The following CRBN variants were observed in gnomAD, a reference collection of about 807,000 sequenced individuals.
CRBN encodes protein cereblon.
In CRBN, 53 loss-of-function variants were observed where a neutral mutation model predicts 62.2. That is an observed-to-expected ratio of 0.85 (90% CI 0.68 to 1.07). The LOEUF is 1.07. Ranked by LOEUF, CRBN falls within the 50% of genes least tolerant of loss-of-function variation. CRBN has a pLI of 0.00. For missense variants in CRBN, 616 were observed against 531.1 expected (o/e 1.16, Z -1.57); for synonymous variants, 208 against 176.1 (o/e 1.18, Z -1.43).
At chr3:3,154,192 T>C (rs1296290970) in intron 7 of CRBN, 117 bp from the exon 8 acceptor site, 1 of 710,942 alleles carries the variant, frequency 1.4e-6, no homozygotes, top group Non-Finnish European at 2.6e-6. Context: ...ACACATTTTA[T>C]ACAAGTATAA....
chr3:3,169,233 A>G (rs144002898), intron 4 of CRBN, among the ~76,000 whole-genome samples: 2,152 of 152,292 alleles, frequency 0.014, 18 homozygotes, highest in Non-Finnish European at 0.022. Flanking sequence ...CTGGTTAAAC[A>G]TGGCCAGGGT....
rs1340190859 is a variant in CRBN, at chr3:3,178,278, T to C, written c.67+1343A>G. Reference sequence around the variant, plus strand: ...CTAGAATGGCTTCGAGAACAACCAGTGACTATGGTTTATTTTTACAGAAAA... The same window carrying C: ...CTAGAATGGCTTCGAGAACAACCAGCGACTATGGTTTATTTTTACAGAAAA... On this transcript the variant is annotated intron_variant, in intron 1 of 10. Transcript: ENST00000231948. 9.8e-5 allele frequency among the ~76,000 whole-genome samples: 15 copies of C among 152,314 alleles called. No homozygotes were observed. The East Asian group carries it at 2.9e-3, about 29-fold the overall frequency.
Position 3,154,035 on chromosome 3 carries a change from A to C in CRBN, c.876T>G (p.Asp292Glu). Residue 292 changes from aspartate to glutamate, a missense_variant, in exon 8 of 11, where the codon GAT becomes GAG. By Grantham distance (45) the Asp-to-Glu change is conservative (BLOSUM62 2). Coordinates refer to ENST00000231948, the MANE Select transcript of CRBN (RefSeq NM_016302.4). ...TTTTAAGGAGCTGAATTCTCAATACATCATCAATAGGAAGACAAGCAGCTA... is the reference window on the plus strand; with the variant it reads ...TTTTAAGGAGCTGAATTCTCAATACCTCATCAATAGGAAGACAAGCAGCTA... Reference protein sequence around the residue: ...YRVAACLPIDDVLRIQLLKIG... With the variant: ...YRVAACLPIDEVLRIQLLKIG... 1 of 1,613,640 alleles carries C rather than the reference A, an allele frequency of 6.2e-7. No individual in the cohort carries two copies. Among genetic ancestry groups the C allele is most frequent in the Non-Finnish European group, 8.5e-7 (1 of 1,179,564 alleles).
chr3:3,168,241 G>C (rs1468484707), intron 4 of CRBN, among the ~76,000 whole-genome samples: 1 of 152,138 alleles, frequency 6.6e-6, no homozygotes, highest in Non-Finnish European at 1.5e-5. Flanking sequence ...TCTAAGTAGA[G>C]AAAGGAAGAG....
At chr3:3,164,831 T>C (rs1707266245) in intron 5 of CRBN, among the ~76,000 whole-genome samples, 1 of 152,220 alleles carries the variant, frequency 6.6e-6, no homozygotes, top group South Asian at 2.1e-4. Flanking sequence ...TTTCAAATCT[T>C]ATTATTTAAG....
rs1706415882 is a variant in CRBN, at chr3:3,150,249, TAAAG to T, written c.*612_*615del. ...ATACTACTTTTTACTAACAGGCACA[TAAAG>T]GAAATGACAACTATTCGTGGGCTCA... On this transcript the variant is annotated 3_prime_UTR_variant, in exon 11 of 11. Coordinates refer to ENST00000231948, the MANE Select transcript of CRBN (RefSeq NM_016302.4). 6.6e-6 allele frequency: 1 copy of T among 152,556 alleles called. No individual in the cohort carries two copies. The highest frequency in any genetic ancestry group is 2.4e-5 in the African/African-American group (1 of 41,416). 9.5% of individuals were successfully genotyped at this position (152,556 alleles called of 1,614,324 possible).
At chr3:3,152,009 A>G (rs929339544) in intron 10 of CRBN, among the ~76,000 whole-genome samples, 1 of 152,208 alleles carries the variant, frequency 6.6e-6, no homozygotes, top group African/African-American at 2.4e-5. Flanking sequence ...ACAGAAAAAA[A>G]CAATTTTGGA....
intron 1 of CRBN, among the ~76,000 whole-genome samples, chr3:3,178,368 G>C (rs1707919390): frequency 6.6e-6 from 1 of 152,134 alleles, no homozygotes; most frequent in African/African-American, 2.4e-5. Flanking sequence ...TGCTACCAGT[G>C]GACAAATTAA....
At chr3:3,161,854 A>G (rs780322516) in intron 5 of CRBN, among the ~76,000 whole-genome samples, 1 of 152,256 alleles carries the variant, frequency 6.6e-6, no homozygotes, top group Non-Finnish European at 1.5e-5. Context: ...CAGTGTATCC[A>G]TACAAAAGAA....
At chr3:3,153,865 G>A (rs1706750305) in intron 8 of CRBN, 95 bp downstream of exon 8, 2 of 771,162 alleles carry the variant, frequency 2.6e-6, no homozygotes, top group Non-Finnish European at 4.7e-6. Flanking sequence ...CTACATTACT[G>A]GACTCTATAC....
intron 7 of CRBN, 147 bp from the exon 8 acceptor site, chr3:3,154,222 G>A: frequency 6.3e-6 from 4 of 630,944 alleles, no homozygotes; most frequent in East Asian, 2.8e-5. Flanking sequence ...AAATATACCA[G>A]CTGTCAAAGA....
chr3:3,154,217 T>C (rs1484254102), intron 7 of CRBN, 142 bp from the exon 8 acceptor site: 2 of 638,728 alleles, frequency 3.1e-6, no homozygotes, highest in African/African-American at 1.8e-5. Flanking sequence ...TACAAAAATA[T>C]ACCAGCTGTC....
rs1218236414 is a variant in CRBN at position 3,152,569 on chromosome 3, C to T, written c.1035G>A (p.Pro345=). The part of the protein sequence containing the change: ...NEIFSLSLCG[P]MAAYVNPHGY... ...CATGAGGATTCACATAAGCTGCCAT[C>T]GGCCCACATAAGGATAAACTAAAAC... Residue 345 remains proline (P), a synonymous_variant, in exon 10 of 11, where the codon CCG becomes CCA. Coordinates refer to ENST00000231948, the MANE Select transcript of CRBN (RefSeq NM_016302.4). The T allele has an allele frequency of 1.4e-5, 22 of 1,613,934 alleles. No homozygotes were observed. Among genetic ancestry groups the T allele is most frequent in the African/African-American group, 4.0e-5 (3 of 74,908 alleles).
chr3:3,166,394 T>C (rs570431345), intron 5 of CRBN, among the ~76,000 whole-genome samples: 6 of 152,320 alleles, frequency 3.9e-5, no homozygotes, highest in Non-Finnish European at 5.9e-5. Context: ...TGTGGAACTT[T>C]AAGTCCAATA....
chr3:3,156,146 C>A, intron 6 of CRBN, 73 bp downstream of exon 6: 1 of 1,295,016 alleles, frequency 7.7e-7, no homozygotes, highest in East Asian at 2.3e-5. Flanking sequence ...AAAACTAAAC[C>A]TTTGTTTTTT....
intron 4 of CRBN, among the ~76,000 whole-genome samples, chr3:3,169,140 C>T (rs184204512): frequency 6.6e-6 from 1 of 152,200 alleles, no homozygotes; most frequent in South Asian, 2.1e-4. Flanking sequence ...ATTATTGATC[C>T]CCTGGCTTAC....
At chr3:3,161,021 A>G (rs1707119300) in intron 5 of CRBN, among the ~76,000 whole-genome samples, 1 of 152,226 alleles carries the variant, frequency 6.6e-6, no homozygotes, top group Non-Finnish European at 1.5e-5. Context: ...AAACCACAGC[A>G]AGTATCCAAA....
At position 3,160,684 on chromosome 3, in the gene CRBN, G is replaced by A. The variant is rs576801648; in HGVS notation, c.688-4403C>T. On this transcript the variant is annotated intron_variant, in intron 5 of 10. Transcript: ENST00000231948. ...TGAAACAGATTCTCAAGTTCACAAGGAAATGTTAATCAATGGTAGTCACTG... is the reference window on the plus strand; with the variant it reads ...TGAAACAGATTCTCAAGTTCACAAGAAAATGTTAATCAATGGTAGTCACTG... Among the ~76,000 whole-genome samples the A allele has an allele frequency of 6.6e-5, 10 of 152,290 alleles. No individual in the cohort carries two copies. In the South Asian group the frequency reaches 2.1e-3, roughly 32 times the overall value.
At chr3:3,154,385 GAGTATC>G in intron 7 of CRBN, 1 of 428,666 alleles carries the variant, frequency 2.3e-6, no homozygotes, top group South Asian at 2.6e-5. Context: ...CAGATAAAGA[GAGTATC>G]TATAATTAAG....
Sources: allele counts gnomAD v4.1 joint callset (sites outside exome capture counted in the v4.1 genomes callset), GRCh38; gene constraint gnomAD v4.1.1; transcripts MANE v1.5; gene names NCBI Gene and HGNC (gene_info 2026-07-23, HGNC 2026-07-21).